RNF125: variants seen among roughly 807,000 people sequenced by gnomAD.
RNF125 encodes ring finger protein 125.
In RNF125, 21 loss-of-function variants were observed where a neutral mutation model predicts 26.0. The ratio of observed to expected loss-of-function variants is 0.81; its 90% CI spans 0.57 to 1.16. The LOEUF (loss-of-function observed/expected upper bound fraction) is 1.16. Ranked by LOEUF, RNF125 falls within the 50% of genes most tolerant of loss-of-function variation. The pLI is 0.00. For synonymous variants in RNF125, 95 were observed against 109.2 expected, an observed-to-expected ratio of 0.87 and a Z score of 0.81; for missense variants, 270 against 299.4, an observed-to-expected ratio of 0.90 and a Z score of 0.72.
chr18:32,061,018 G>A (rs951879849), intron 4 of RNF125, among the ~76,000 whole-genome samples: 1 of 152,156 alleles, frequency 6.6e-6, no homozygotes, highest in African/African-American at 2.4e-5. Context: ...ACAAAATCTT[G>A]TTTGCTTAAA....
chr18:32,031,427 A>G (rs1568194446), intron 1 of RNF125: 1 of 139,844 alleles, frequency 7.2e-6, no homozygotes, highest in Non-Finnish European at 1.5e-5. Context: ...AGTGTCCGCC[A>G]TAGGGCTCGG....
At chr18:32,031,616 T>C (rs1423783466) in intron 1 of RNF125, among the ~76,000 whole-genome samples, 1 of 152,030 alleles carries the variant, frequency 6.6e-6, no homozygotes, top group Admixed American at 6.6e-5. Flanking sequence ...ATTAGAAATG[T>C]TAATTGTGAG....
chr18:32,047,272 T>C (rs1453841782), intron 4 of RNF125, among the ~76,000 whole-genome samples: 1 of 152,178 alleles, frequency 6.6e-6, no homozygotes, highest in African/African-American at 2.4e-5. Context: ...TCTTCTGACC[T>C]TGTGGTTCGC....
At chr18:32,063,493 C>T (rs1218744490) in intron 4 of RNF125, among the ~76,000 whole-genome samples, 1 of 152,082 alleles carries the variant, frequency 6.6e-6, no homozygotes, top group East Asian at 1.9e-4. Flanking sequence ...ATAGTACAGC[C>T]ACTCTGGAAA....
At chr18:32,029,663 A>G (rs1292089493) in intron 1 of RNF125, among the ~76,000 whole-genome samples, 1 of 152,064 alleles carries the variant, frequency 6.6e-6, no homozygotes, top group Non-Finnish European at 1.5e-5. Context: ...ACTCAAAGAC[A>G]TTTGTTGTCA....
At chr18:32,084,779 C>T in the RNF125 span, among the ~76,000 whole-genome samples, 8 of 151,992 alleles carry the variant, frequency 5.3e-5, no homozygotes, top group African/African-American at 7.3e-5. Context: ...ACAGGGTCAC[C>T]GGGGCTACTC....
chr18:32,024,797 A>G (rs969979335), intron 1 of RNF125, among the ~76,000 whole-genome samples: 4 of 151,990 alleles, frequency 2.6e-5, no homozygotes, highest in Non-Finnish European at 4.4e-5. Context: ...AACTAGCTTT[A>G]TTGCTGGGCA....
chr18:32,081,416 T>C, the RNF125 span, among the ~76,000 whole-genome samples: 4 of 152,172 alleles, frequency 2.6e-5, no homozygotes, highest in African/African-American at 9.7e-5. Flanking sequence ...TATTTAAATA[T>C]AGAGACAACA....
chr18:32,076,313 GTTGTTTTT>G (rs2039570001), downstream of RNF125: 1 of 307,114 alleles, frequency 3.3e-6, no homozygotes, highest in Admixed American at 4.0e-5. Context: ...GTTTTTTTTG[GTTGTTTTT>G]TTGTTTTTTT....
At position 32,037,194 on chromosome 18, in the gene RNF125, A is replaced by C. The variant is rs772237713; in HGVS notation, c.243A>C (p.Ser81=). The change falls in exon 2 of 6, where the codon TCA becomes TCC. Residue 81 remains serine (S), a synonymous_variant. Transcript: ENST00000217740. ...CTTATTGCCGGGCATATCTTCCTTC[A>C]GAAGGAGTTCCAGCAACTGATGTAG... ...TCPYCRAYLP[S]EGVPATDVAK... is the part of the protein sequence containing the mutation. 1.2e-6 allele frequency: 2 copies of C among 1,606,204 alleles called. No individual in the cohort carries two copies. The highest frequency in any genetic ancestry group is 1.7e-6 in the Non-Finnish European group (2 of 1,177,254).
In RNF125 at chr18:32,069,143, G is replaced by A. The variant is rs1414528427; in HGVS notation, c.*759G>A. 1.3e-5 allele frequency: 2 copies of A among 148,232 alleles called. No homozygotes were observed. The highest frequency in any genetic ancestry group is 5.0e-5 in the African/African-American group (2 of 40,090). 9.2% of individuals were successfully genotyped at this position (148,232 alleles called of 1,614,324 possible). A position where few individuals can be genotyped will look rare whatever the true frequency, so the allele number is the denominator to read the frequency against. ...TTGAACCCGGGAGGCAGAGGTTACA[G>A]TGAGCTGAGATCGCACCAGTACACT... On this transcript the variant is annotated 3_prime_UTR_variant, in exon 6 of 6. Coordinates refer to ENST00000217740, the MANE Select transcript of RNF125 (RefSeq NM_017831.4).
At position 32,019,018 on chromosome 18, in the gene RNF125, G is replaced by C; in HGVS notation, c.155G>C (p.Cys52Ser). 1 of 1,612,700 alleles carries C rather than the reference G, an allele frequency of 6.2e-7. No homozygotes were observed. The highest frequency in any genetic ancestry group is 8.5e-7 in the Non-Finnish European group (1 of 1,179,414). Residue 52 changes from cysteine to serine, a missense_variant, in exon 1 of 6, where the codon TGT becomes TCT. Cys to Ser is a moderately radical substitution (Grantham distance 112, BLOSUM62 -1). Transcript: ENST00000217740. Reference protein sequence around the residue: ...EVLHQPVRTRCGHVFCRSCIA... With the variant: ...EVLHQPVRTRSGHVFCRSCIA... ...TTACACCAGCCTGTCCGGACCCGCT[G>C]TGGCCACGTGTAAGTTCCAGGGGAG... is the stretch of plus-strand genomic sequence containing the variant.
the RNF125 span, among the ~76,000 whole-genome samples, chr18:32,085,415 GAA>G: frequency 1.5e-5 from 2 of 130,604 alleles, no homozygotes; most frequent in East Asian, 2.3e-4. Context: ...GAGAGAGAGA[GAA>G]AGCTGGGTGA....
chr18:32,058,894 T>C (rs2039410862), intron 4 of RNF125, among the ~76,000 whole-genome samples: 2 of 152,200 alleles, frequency 1.3e-5, no homozygotes, highest in South Asian at 4.1e-4. Flanking sequence ...CTTTCTGTGC[T>C]AGGCTTATTT....
intron 4 of RNF125, among the ~76,000 whole-genome samples, chr18:32,062,225 T>C (rs1462547035): frequency 1.3e-5 from 2 of 152,244 alleles, no homozygotes; most frequent in African/African-American, 4.8e-5. Flanking sequence ...CAAAGTATCC[T>C]ACTGATCTCT....
chr18:32,050,634 C>T (rs75200655), intron 4 of RNF125, among the ~76,000 whole-genome samples: 13,919 of 151,758 alleles, frequency 0.092, 2,083 homozygotes, highest in African/African-American at 0.32. Flanking sequence ...CCACTAAGCT[C>T]GGTTATTTAT....
At chr18:32,031,922 G>A (rs988572685) in intron 1 of RNF125, among the ~76,000 whole-genome samples, 1 of 151,910 alleles carries the variant, frequency 6.6e-6, no homozygotes, top group Non-Finnish European at 1.5e-5. Flanking sequence ...GAGAGAGAGA[G>A]ATGGAGTCTT....
At chr18:32,031,924 T>C (rs1222496349) in intron 1 of RNF125, among the ~76,000 whole-genome samples, 1 of 151,868 alleles carries the variant, frequency 6.6e-6, no homozygotes, top group Non-Finnish European at 1.5e-5. Context: ...GAGAGAGAGA[T>C]GGAGTCTTGC....
Position 32,071,823 on chromosome 18 carries a change from G to A in RNF125, c.*3439G>A, listed in dbSNP as rs547033103. The A allele has an allele frequency of 6.6e-6, 1 of 152,244 alleles. No individual in the cohort carries two copies. The highest frequency in any genetic ancestry group is 2.4e-5 in the African/African-American group (1 of 41,556). 9.4% of individuals were successfully genotyped at this position (152,244 alleles called of 1,614,324 possible). ...GATTTTAAGTTTGCTTTTCACAGCT[G>A]CTAAAAAGTAACAACTGATTTTTAG... On this transcript the variant is annotated 3_prime_UTR_variant, in exon 6 of 6. Coordinates refer to ENST00000217740, the MANE Select transcript of RNF125 (RefSeq NM_017831.4).
Sources: gnomAD v4.1 joint callset for allele counts (sites outside exome capture counted in the v4.1 genomes callset) on GRCh38, gnomAD v4.1.1 for gene constraint, MANE v1.5 for transcripts, NCBI Gene and HGNC (gene_info 2026-07-23, HGNC 2026-07-21) for gene names.